ATP2B3: variants seen among roughly 807,000 people sequenced by gnomAD.
ATP2B3 encodes the protein ATPase plasma membrane Ca2+ transporting 3, also known as plasma membrane calcium-transporting ATPase 3.
In ATP2B3, 12 loss-of-function variants were observed where a neutral mutation model predicts 70.8. That is an observed-to-expected ratio of 0.17 (90% confidence interval 0.11 to 0.27). The LOEUF is 0.27. ATP2B3 is among the 10% of genes least tolerant of loss of function. ATP2B3 has a pLI of 1.00. For missense variants in ATP2B3, 858 were observed against 1,118.5 expected (o/e 0.77, Z 3.32); for synonymous variants, 460 against 497.8 (o/e 0.92, Z 1.01).
chrX:153,570,907 C>G (rs1557019653), intron 21 of ATP2B3, among the ~76,000 whole-genome samples: 1 of 108,070 alleles, frequency 9.3e-6, no homozygotes, highest in African/African-American at 3.4e-5. Flanking sequence ...GGGGTCACCC[C>G]TCCTCTTGCA....
chrX:153,523,383 A>G (rs911962898), intron 2 of ATP2B3, among the ~76,000 whole-genome samples: 3 of 112,241 alleles, frequency 2.7e-5, no homozygotes, highest in Non-Finnish European at 5.6e-5. Context: ...TTGGAAACCC[A>G]GGCAGTCAGA....
chrX:153,573,804 C>T (rs1557020609), intron 21 of ATP2B3, among the ~76,000 whole-genome samples: 1 of 112,498 alleles, frequency 8.9e-6, no homozygotes, highest in African/African-American at 3.2e-5. Flanking sequence ...ACTGACTCGC[C>T]GCGCCCAGGT....
At chrX:153,554,885 G>C (rs1169548535) in intron 13 of ATP2B3, among the ~76,000 whole-genome samples, 1 of 110,644 alleles carries the variant, frequency 9.0e-6, no homozygotes, top group Non-Finnish European at 1.9e-5. Flanking sequence ...TGGGGCCATG[G>C]GGAAGGAACT....
intron 6 of ATP2B3, 142 bp from the exon 7 acceptor site, chrX:153,542,901 A>G (rs1323210547): frequency 2.4e-6 from 2 of 826,295 alleles, no homozygotes; most frequent in African/African-American, 2.1e-5. Flanking sequence ...CCTCCAAGCC[A>G]GGGAGGAGGC....
At chrX:153,547,488 A>G (rs2090386445) in intron 8 of ATP2B3, among the ~76,000 whole-genome samples, 1 of 111,284 alleles carries the variant, frequency 9.0e-6, no homozygotes, top group African/African-American at 3.3e-5. Flanking sequence ...GGGTTCTGGA[A>G]GATTCCTCGG....
chrX:153,542,783 TTCCAGAA>T (rs1254357470), intron 6 of ATP2B3, among the ~76,000 whole-genome samples: 3 of 113,059 alleles, frequency 2.7e-5, no homozygotes, highest in African/African-American at 9.6e-5. Flanking sequence ...AGTGTTCCCT[TTCCAGAA>T]GGTTTCAGCA....
At chrX:153,554,530 A>AC (rs2090506708) in intron 13 of ATP2B3, among the ~76,000 whole-genome samples, 1 of 112,440 alleles carries the variant, frequency 8.9e-6, no homozygotes, top group East Asian at 2.8e-4. Flanking sequence ...GGCTGGGCAG[A>AC]CCCCCACAAA....
At chrX:153,560,086 G>A (rs2090602532) in intron 18 of ATP2B3, 144 bp downstream of exon 18, 1 of 657,078 alleles carries the variant, frequency 1.5e-6, no homozygotes, top group Non-Finnish European at 2.3e-6. Context: ...ACAGCACACA[G>A]GGGAAGGAGC....
chrX:153,562,312 T>C lies in ATP2B3; in HGVS notation c.3159+70T>C, dbSNP rs1603105283. 3 of 1,004,166 alleles carry C rather than the reference T, an allele frequency of 3.0e-6. No individual in the cohort carries two copies. The African/African-American group carries it at 5.6e-5, about 19-fold the overall frequency. 82.8% of individuals were successfully genotyped at this position (1,004,166 alleles called of 1,213,427 possible). A position where few individuals can be genotyped will look rare whatever the true frequency, so the allele number is the denominator to read the frequency against. On this transcript the variant is annotated intron_variant, in intron 20 of 21. Transcript: ENST00000263519. ...GCTTCTGTGATGGGCCCACTTGCCC[T>C]AACCCTGCTTCAGAGCCTTGGGGTC...
At chrX:153,530,626 A>T (rs1269468115) in intron 2 of ATP2B3, among the ~76,000 whole-genome samples, 1 of 111,174 alleles carries the variant, frequency 9.0e-6, no homozygotes, top group Non-Finnish European at 1.9e-5. Context: ...TGGGTCCCCA[A>T]GGTGGCCCCT....
chrX:153,579,953 C>T (rs895001779), intron 21 of ATP2B3, 25 bp from the exon 22 acceptor site: 6 of 1,187,399 alleles, frequency 5.1e-6, no homozygotes, highest in Non-Finnish European at 6.8e-6. Flanking sequence ...CACCTCGCGC[C>T]CTGTCCCTCC....
Position 153,580,283 on chromosome X carries a change from G to A in ATP2B3, c.3648G>A (p.Val1216=). Residue 1216 remains valine (V), a synonymous_variant, in exon 22 of 22, where the codon GTG becomes GTA. Transcript: ENST00000263519. ...GTCCCGGGAGCCCGCTCCACAGCGT[G>A]GAGACGTCCCTCTAACAAGAACTTG... ...SSSPGSPLHS[V]ETSL is the part of the protein sequence containing the mutation. 2.5e-6 allele frequency: 3 copies of A among 1,206,097 alleles called. No individual in the cohort carries two copies. Among genetic ancestry groups the A allele is most frequent in the Non-Finnish European group, 3.4e-6 (3 of 891,033 alleles).
At chrX:153,520,795 G>T (rs2089948564) in intron 2 of ATP2B3, among the ~76,000 whole-genome samples, 1 of 112,296 alleles carries the variant, frequency 8.9e-6, no homozygotes, top group African/African-American at 3.2e-5. Flanking sequence ...GTGTGCGGAA[G>T]TCAGCAGAGT....
At chrX:153,563,580 T>G (rs2090659362) in intron 20 of ATP2B3, among the ~76,000 whole-genome samples, 1 of 111,777 alleles carries the variant, frequency 8.9e-6, no homozygotes, top group South Asian at 3.8e-4. Flanking sequence ...AATTCTCCTT[T>G]CCCTCTGCTA....
intron 6 of ATP2B3, 103 bp downstream of exon 6, chrX:153,542,551 C>T (rs898320073): frequency 3.9e-6 from 4 of 1,024,560 alleles, no homozygotes; most frequent in Non-Finnish European, 5.2e-6. Flanking sequence ...TCCACCTCCA[C>T]CAGGGCCTTC....
chrX:153,548,935 A>G, intron 10 of ATP2B3, 81 bp downstream of exon 10: 1 of 986,582 alleles, frequency 1.0e-6, no homozygotes, highest in Non-Finnish European at 1.4e-6. Flanking sequence ...TGGTGGCAGT[A>G]TAAACTGGGG....
intron 2 of ATP2B3, among the ~76,000 whole-genome samples, chrX:153,530,633 C>T (rs2090101193): frequency 9.0e-6 from 1 of 110,553 alleles, no homozygotes; most frequent in African/African-American, 3.3e-5. Flanking sequence ...CCAAGGTGGC[C>T]CCTCCGGGGC....
intron 10 of ATP2B3, among the ~76,000 whole-genome samples, chrX:153,549,130 G>A (rs2090415830): frequency 9.6e-6 from 1 of 104,320 alleles, no homozygotes; most frequent in Non-Finnish European, 2.0e-5. Flanking sequence ...GGAGGCAGCG[G>A]GGAAGCGGAG....
chrX:153,549,998 G>A (rs1253559895), intron 11 of ATP2B3, 47 bp from the exon 12 acceptor site: 2 of 1,192,214 alleles, frequency 1.7e-6, no homozygotes, highest in Non-Finnish European at 2.3e-6. Context: ...GCAGCATGGA[G>A]GGTGGTCTCA....
Sources: gnomAD v4.1 joint callset for allele counts (sites outside exome capture counted in the v4.1 genomes callset) on GRCh38, gnomAD v4.1.1 for gene constraint, MANE v1.5 for transcripts, NCBI Gene and HGNC (gene_info 2026-07-23, HGNC 2026-07-21) for gene names.